Variants in LMLN observed in about 807,000 individuals in gnomAD.
The protein encoded by LMLN is leishmanolysin like peptidase.
LMLN carries 70 observed loss-of-function variants against 92.3 expected under a neutral mutation model. That is an observed-to-expected ratio of 0.76 (90% CI 0.63 to 0.92). The LOEUF (loss-of-function observed/expected upper bound fraction) is 0.92. LMLN is among the 40% of genes least tolerant of loss of function. The pLI is 0.00. For missense variants in LMLN, 691 were observed against 814.6 expected, an observed-to-expected ratio of 0.85 and a Z score of 1.85; for synonymous variants, 308 against 296.2, an observed-to-expected ratio of 1.04 and a Z score of -0.41.
At chr3:197,975,907 CTAAT>C in intron 3 of LMLN, 118 bp from the exon 4 acceptor site, 1 of 602,000 alleles carries the variant, frequency 1.7e-6, no homozygotes. Context: ...CCTTGACTAA[CTAAT>C]ATCTGTATTC....
At chr3:198,038,288 C>G (rs1348082193) in intron 15 of LMLN, 1 of 347,776 alleles carries the variant, frequency 2.9e-6, no homozygotes, top group East Asian at 5.7e-5. Context: ...TAACCAAGAT[C>G]TTTATCTTTG....
At chr3:197,962,767 C>CT (rs200108423) in intron 1 of LMLN, among the ~76,000 whole-genome samples, 11,946 of 135,340 alleles carry the variant, frequency 0.088, 571 homozygotes, top group South Asian at 0.13. Context: ...GATCAATATC[C>CT]TTTTTTTTTT....
chr3:197,967,617 C>T (rs1317361826), intron 1 of LMLN, among the ~76,000 whole-genome samples: 10 of 152,196 alleles, frequency 6.6e-5, no homozygotes, highest in South Asian at 2.1e-4. Flanking sequence ...CAGCAGTGCA[C>T]GTATTGTCTT....
At chr3:198,013,647 C>T (rs1245311823) in intron 11 of LMLN, among the ~76,000 whole-genome samples, 24 of 110,058 alleles carry the variant, frequency 2.2e-4, no homozygotes, top group East Asian at 5.0e-4. Context: ...GACTTCTCTC[C>T]ACCCTTCAGA....
intron 11 of LMLN, among the ~76,000 whole-genome samples, chr3:198,018,051 A>C (rs1581173028): frequency 6.6e-6 from 1 of 152,322 alleles, no homozygotes. Flanking sequence ...TGGAATTTGT[A>C]AGCCATGAAT....
rs538239023 is a variant in LMLN at position 197,969,909 on chromosome 3, C to T, written c.220-4468C>T. 1.1e-4 allele frequency among the ~76,000 whole-genome samples: 17 copies of T among 152,174 alleles called. 1 individual carries two copies. The South Asian group carries it at 2.3e-3, about 20-fold the overall frequency. The stretch of plus-strand genomic sequence containing the variant: ...TTGTAATCCCAGCACTTTGGGAGGC[C>T]GAGGCTGGCGGATCACCTGAGGTCA... On this transcript the variant is annotated intron_variant, in intron 1 of 15. Coordinates refer to ENST00000330198, the Ensembl canonical transcript of LMLN.
Position 198,019,168 on chromosome 3 carries a change from TC to T in LMLN, c.1233-84del. ...GAAGGTTTGTATTTTTAGGCCAGGA[TC>T]TGGAATTCCATTTGTTGGCTGTATA... On this transcript the variant is annotated intron_variant, in intron 11 of 15. Transcript: ENST00000330198. This position sits in a 1 kb window ranked among gnomAD's most constrained non-coding sequence, Gnocchi z 5.5. The T allele has an allele frequency of 7.5e-7, 1 of 1,330,680 alleles. No homozygotes were observed. The highest frequency in any genetic ancestry group is 2.4e-5 in the East Asian group (1 of 41,394). 82.4% of individuals were successfully genotyped at this position (1,330,680 alleles called of 1,614,324 possible). A position where few individuals can be genotyped will look rare whatever the true frequency, so the allele number is the denominator to read the frequency against.
Position 197,985,956 on chromosome 3 carries a change from T to C in LMLN, c.929+66T>C, listed in dbSNP as rs1427448536. On this transcript the variant is annotated intron_variant, in intron 8 of 15. Transcript: ENST00000330198. ...GGGTGCTAAGACTAGAATCTGAGAA[T>C]CACAGTATATTAGATGCCATAAATA... The C allele has an allele frequency of 1.0e-5, 10 of 962,246 alleles. No individual in the cohort carries two copies. The East Asian group carries it at 2.4e-4, about 23-fold the overall frequency. The allele number at this position is 962,246 out of a possible 1,614,324, so 59.6% of individuals were successfully genotyped here. A position where few individuals can be genotyped will look rare whatever the true frequency, so the allele number is the denominator to read the frequency against.
rs757865107 is a variant in LMLN, at chr3:197,996,155, A to AT, written c.1048-12dup. On this transcript the variant is annotated intron_variant, in intron 9 of 15. Coordinates refer to ENST00000330198, the Ensembl canonical transcript of LMLN. Reference sequence around the variant, plus strand: ...TACTTTTGTACCATATTTGTTTCTGATTTTTTTTCTGGTTCTTAGGAGGAA... The same window carrying AT: ...TACTTTTGTACCATATTTGTTTCTGATTTTTTTTTCTGGTTCTTAGGAGGAA... The AT allele has an allele frequency of 6.7e-5, 97 of 1,442,732 alleles. No homozygotes were observed. The highest frequency in any genetic ancestry group is 2.1e-4 in the South Asian group (16 of 75,754). The allele number at this position is 1,442,732 out of a possible 1,614,324, so 89.4% of individuals were successfully genotyped here. A position where few individuals can be genotyped will look rare whatever the true frequency, so the allele number is the denominator to read the frequency against.
chr3:198,005,637 TC>T (rs1722271926), intron 11 of LMLN, among the ~76,000 whole-genome samples: 1 of 149,132 alleles, frequency 6.7e-6, no homozygotes, highest in African/African-American at 2.5e-5. Context: ...TTTTTCTTTT[TC>T]TTTTTTTTTT....
chr3:198,041,992 G>A (rs1415084239), exon 16 of LMLN: 1 of 151,988 alleles, frequency 6.6e-6, no homozygotes, highest in African/African-American at 2.4e-5. Flanking sequence ...GACATTTTTT[G>A]TATATATATT....
chr3:197,999,641 C>A, intron 11 of LMLN: 1 of 270,730 alleles, frequency 3.7e-6, no homozygotes, highest in Non-Finnish European at 7.0e-6. Flanking sequence ...AGTCCTCTCA[C>A]CTCAGCTTCC....
At chr3:197,967,326 A>G (rs1319582657) in intron 1 of LMLN, among the ~76,000 whole-genome samples, 1 of 152,226 alleles carries the variant, frequency 6.6e-6, no homozygotes, top group African/African-American at 2.4e-5. Context: ...AAGAGTACAA[A>G]GAGTGGAATT....
intron 1 of LMLN, among the ~76,000 whole-genome samples, chr3:197,963,826 G>T (rs756643417): frequency 6.6e-6 from 1 of 152,204 alleles, no homozygotes; most frequent in Non-Finnish European, 1.5e-5. Flanking sequence ...CTGAGCAAAA[G>T]TGAGATAGCA....
chr3:198,003,572 T>A (rs544358841), intron 11 of LMLN, among the ~76,000 whole-genome samples: 1 of 152,166 alleles, frequency 6.6e-6, no homozygotes, highest in African/African-American at 2.4e-5. Context: ...AGAGTAAGTT[T>A]GATATCTATC....
chr3:197,976,015 T>A lies in LMLN; in HGVS notation c.349-14T>A, dbSNP rs1244831764. On this transcript the variant is annotated splice_polypyrimidine_tract_variant and intron_variant, in intron 3 of 15. Coordinates refer to ENST00000330198, the Ensembl canonical transcript of LMLN. ...TTATAATTCTGTTTCTTTTTTTTTT[T>A]AACTTTTATTTAGAACAAGCTTTTC... 6 of 1,470,698 alleles carry A rather than the reference T, an allele frequency of 4.1e-6. No individual in the cohort carries two copies. The highest frequency in any genetic ancestry group is 1.4e-5 in the African/African-American group (1 of 70,192). The allele number at this position is 1,470,698 out of a possible 1,614,324, so 91.1% of individuals were successfully genotyped here. A position where few individuals can be genotyped will look rare whatever the true frequency, so the allele number is the denominator to read the frequency against.
At chr3:198,034,657 G>C (rs1342118794) in intron 14 of LMLN, among the ~76,000 whole-genome samples, 1 of 152,110 alleles carries the variant, frequency 6.6e-6, no homozygotes, top group Non-Finnish European at 1.5e-5. Context: ...ATTTCTAAAT[G>C]TTTTAAAAGT....
chr3:198,038,073 C>A (rs527954693), intron 15 of LMLN, among the ~76,000 whole-genome samples: 1 of 148,174 alleles, frequency 6.7e-6, no homozygotes, highest in South Asian at 2.1e-4. Context: ...TCTCCCTTGC[C>A]TCCTCACAGT....
chr3:197,978,047 C>T (rs552638779), intron 5 of LMLN, among the ~76,000 whole-genome samples: 58 of 151,724 alleles, frequency 3.8e-4, no homozygotes, highest in East Asian at 9.7e-4. Context: ...AGTATACACA[C>T]GTTAAATCTG....
Sources: allele counts gnomAD v4.1 joint callset (sites outside exome capture counted in the v4.1 genomes callset), GRCh38; gene constraint gnomAD v4.1.1; non-coding constraint Gnocchi (gnomAD v3.1); transcripts MANE v1.5; gene names NCBI Gene and HGNC (gene_info 2026-07-23, HGNC 2026-07-21).